Variants in HS6ST3 observed in about 807,000 individuals in gnomAD.
HS6ST3 encodes heparan sulfate 6-O-sulfotransferase 3.
A neutral mutation model predicts 36.7 loss-of-function variants in HS6ST3; 12 were observed. The observed-to-expected ratio is 0.33, with a 90% CI of 0.21 to 0.53. The LOEUF (loss-of-function observed/expected upper bound fraction) is 0.53, where lower values mean the gene tolerates loss of function less well. Among genes scored for constraint, HS6ST3 ranks in the 20% least tolerant of loss-of-function variants. The pLI is 0.95. For synonymous variants in HS6ST3, 240 were observed against 257.5 expected, an observed-to-expected ratio of 0.93 and a Z score of 0.65; for missense variants, 584 against 640.9, an observed-to-expected ratio of 0.91 and a Z score of 0.96.
intron 1 of HS6ST3, among the ~76,000 whole-genome samples, chr13:96,401,519 A>G (rs2055451056): frequency 6.6e-6 from 1 of 152,194 alleles, no homozygotes; most frequent in African/African-American, 2.4e-5. Context: ...TTATAGTTTT[A>G]TTTGTTACAA....
chr13:96,817,685 G>A (rs375639464), intron 1 of HS6ST3, among the ~76,000 whole-genome samples: 66 of 152,176 alleles, frequency 4.3e-4, no homozygotes, highest in African/African-American at 1.5e-3. Flanking sequence ...TGTATGCTTT[G>A]AATTGTTTTT....
chr13:96,345,939 C>T (rs1290228580), intron 1 of HS6ST3, among the ~76,000 whole-genome samples: 1 of 152,218 alleles, frequency 6.6e-6, no homozygotes, highest in Non-Finnish European at 1.5e-5. Context: ...GCAGGTGGCC[C>T]ATGGGCCACA....
intron 1 of HS6ST3, among the ~76,000 whole-genome samples, chr13:96,227,941 C>T (rs924096708): frequency 1.3e-5 from 2 of 152,056 alleles, no homozygotes; most frequent in African/African-American, 4.8e-5. Flanking sequence ...TGTAATTTCT[C>T]TTTTTATCTC....
In HS6ST3 at chr13:96,250,662, A is replaced by G. The variant is rs547163861; in HGVS notation, c.707+159093A>G. On this transcript the variant is annotated intron_variant, in intron 1 of 1. Coordinates refer to ENST00000376705, the MANE Select transcript of HS6ST3 (RefSeq NM_153456.4). ...ACATTTCTATTGGTTTAAGCCACCA[A>G]GTTTATGGTAATCTGTTACAGAGGG... is the stretch of plus-strand genomic sequence containing the variant. Among the ~76,000 whole-genome samples, 6 of 152,304 alleles carry G rather than the reference A, an allele frequency of 3.9e-5. No homozygotes were observed. The East Asian group carries it at 9.6e-4, about 24-fold the overall frequency.
At chr13:96,354,844 C>G (rs2055201793) in intron 1 of HS6ST3, among the ~76,000 whole-genome samples, 1 of 152,250 alleles carries the variant, frequency 6.6e-6, no homozygotes, top group Middle Eastern at 3.4e-3. Context: ...TAGAACCATA[C>G]TGTGTGTCAG....
chr13:96,185,255 A>G (rs926679795), intron 1 of HS6ST3, among the ~76,000 whole-genome samples: 1 of 152,240 alleles, frequency 6.6e-6, no homozygotes, highest in Non-Finnish European at 1.5e-5. Flanking sequence ...AAATTGAGGT[A>G]ATAACACTTG....
rs146170258 is a variant in HS6ST3 at position 96,341,822 on chromosome 13, G to T, written c.707+250253G>T. Among the ~76,000 whole-genome samples, 52 of 152,218 alleles carry T rather than the reference G, an allele frequency of 3.4e-4. 1 individual carries two copies. Among genetic ancestry groups the T allele is most frequent in the African/African-American group, 1.2e-3 (49 of 41,534 alleles). ...AATATGTCTCACTTGCTAAAAGTAGGACTCCCAAACTCCATGGGATGCATT... is the reference window on the plus strand; with the variant it reads ...AATATGTCTCACTTGCTAAAAGTAGTACTCCCAAACTCCATGGGATGCATT... On this transcript the variant is annotated intron_variant, in intron 1 of 1. Transcript: ENST00000376705.
chr13:96,140,102 CTATTT>C (rs1453982165), intron 1 of HS6ST3, among the ~76,000 whole-genome samples: 1 of 151,990 alleles, frequency 6.6e-6, no homozygotes, highest in Non-Finnish European at 1.5e-5. Context: ...AGATACCAGT[CTATTT>C]TATTATACGC....
At chr13:96,735,101 C>T (rs192287188) in intron 1 of HS6ST3, among the ~76,000 whole-genome samples, 1 of 152,200 alleles carries the variant, frequency 6.6e-6, no homozygotes, top group East Asian at 1.9e-4. Flanking sequence ...AGTCATCAGG[C>T]TTTCAGCTGA....
intron 1 of HS6ST3, among the ~76,000 whole-genome samples, chr13:96,715,433 C>G (rs1875671768): frequency 6.6e-6 from 1 of 151,944 alleles, no homozygotes; most frequent in African/African-American, 2.4e-5. Context: ...AAAACTAGAA[C>G]AAATATGGCA....
At chr13:96,814,505 C>A (rs889226265) in intron 1 of HS6ST3, among the ~76,000 whole-genome samples, 1 of 151,988 alleles carries the variant, frequency 6.6e-6, no homozygotes, top group Non-Finnish European at 1.5e-5. Flanking sequence ...TCATTCAGAC[C>A]CCTTAAATTC....
chr13:96,731,275 C>A (rs1056381948), intron 1 of HS6ST3, among the ~76,000 whole-genome samples: 3 of 152,136 alleles, frequency 2.0e-5, no homozygotes, highest in Admixed American at 1.3e-4. Flanking sequence ...GGGTAACCAC[C>A]ATTCAACTAT....
chr13:96,545,485 C>A (rs564815739), intron 1 of HS6ST3, among the ~76,000 whole-genome samples: 1 of 152,258 alleles, frequency 6.6e-6, no homozygotes, highest in South Asian at 2.1e-4. Context: ...CCTTGATGAT[C>A]ATGGGCAGAA....
chr13:96,124,219 G>A (rs2053939755), intron 1 of HS6ST3, among the ~76,000 whole-genome samples: 1 of 152,130 alleles, frequency 6.6e-6, no homozygotes, highest in Non-Finnish European at 1.5e-5. Context: ...CTAGCCTGTT[G>A]TTCTACTGAA....
At chr13:96,537,612 A>C (rs987661210) in intron 1 of HS6ST3, among the ~76,000 whole-genome samples, 6 of 152,170 alleles carry the variant, frequency 3.9e-5, no homozygotes, top group African/African-American at 1.4e-4. Context: ...AGGATAGGGG[A>C]CATGTTTCAT....
intron 1 of HS6ST3, among the ~76,000 whole-genome samples, chr13:96,115,303 G>C (rs555131311): frequency 6.6e-6 from 1 of 152,220 alleles, no homozygotes; most frequent in South Asian, 2.1e-4. Flanking sequence ...TAAGTTTCGG[G>C]ATACACGTAC....
At chr13:96,482,074 CA>C (rs1050396219) in intron 1 of HS6ST3, among the ~76,000 whole-genome samples, 4 of 152,156 alleles carry the variant, frequency 2.6e-5, no homozygotes, top group African/African-American at 9.7e-5. Flanking sequence ...AAAGTTTCAG[CA>C]AAATGCTCTC....
At chr13:96,748,474 A>G (rs1306586081) in intron 1 of HS6ST3, among the ~76,000 whole-genome samples, 2 of 152,138 alleles carry the variant, frequency 1.3e-5, no homozygotes, top group East Asian at 1.9e-4. Context: ...GGTCCTGGCT[A>G]ATGAGTTAAC....
At chr13:96,218,850 T>G (rs1221662543) in intron 1 of HS6ST3, among the ~76,000 whole-genome samples, 1 of 152,144 alleles carries the variant, frequency 6.6e-6, no homozygotes, top group East Asian at 1.9e-4. Context: ...ATCTCTGCTA[T>G]TAGTTTTGTT....
Sources: allele counts gnomAD v4.1 joint callset (sites outside exome capture counted in the v4.1 genomes callset), GRCh38; gene constraint gnomAD v4.1.1; transcripts MANE v1.5; gene names NCBI Gene and HGNC (gene_info 2026-07-23, HGNC 2026-07-21).